KCNG2: variants seen among roughly 807,000 people sequenced by gnomAD.
KCNG2 encodes the protein voltage-gated potassium channel regulatory subunit KCNG2.
KCNG2 carries 7 observed loss-of-function variants against 12.3 expected under a neutral mutation model. The observed-to-expected ratio is 0.57, with a 90% CI of 0.32 to 1.07. The LOEUF is 1.07. Ranked by LOEUF, KCNG2 falls within the 50% of genes least tolerant of loss-of-function variation. The pLI, the probability that KCNG2 is intolerant of heterozygous loss-of-function variation, is 0.04. For missense variants in KCNG2, 703 were observed against 726.0 expected, an observed-to-expected ratio of 0.97 and a Z score of 0.36; for synonymous variants, 414 against 351.4, an observed-to-expected ratio of 1.18 and a Z score of -1.99.
intron 3 of KCNG2, 24 bp downstream of exon 3, chr18:79,864,315 G>A (rs1460073848): frequency 2.0e-6 from 3 of 1,484,084 alleles, no homozygotes; most frequent in Admixed American, 4.1e-5. Flanking sequence ...GGGGTGGCGG[G>A]GACCGGGCCG....
intron 1 of KCNG2, among the ~76,000 whole-genome samples, chr18:79,818,291 G>A (rs970809906): frequency 6.6e-6 from 1 of 152,212 alleles, no homozygotes; most frequent in Admixed American, 6.5e-5. Flanking sequence ...AGACCCCAGA[G>A]ACCAGGTCAC....
chr18:79,872,555 G>C lies in KCNG2; in HGVS notation c.624+8264G>C, dbSNP rs536125314. 9.2e-5 allele frequency among the ~76,000 whole-genome samples: 14 copies of C among 152,276 alleles called. No individual in the cohort carries two copies. The South Asian group carries it at 2.7e-3, about 29-fold the overall frequency. On this transcript the variant is annotated intron_variant, in intron 3 of 3. Coordinates refer to ENST00000316249, the MANE Select transcript of KCNG2 (RefSeq NM_012283.2). ...GCACCTTGGCCTCCCAAAGTGCTGG[G>C]ATTACAGGCGGAGGCACCGCGCCCG... is the stretch of plus-strand genomic sequence containing the variant.
chr18:79,856,276 T>C (rs1979005813), intron 1 of KCNG2, among the ~76,000 whole-genome samples, 103 bp from the exon 2 acceptor site: 1 of 152,166 alleles, frequency 6.6e-6, no homozygotes, highest in Admixed American at 6.5e-5. Context: ...GTGTGTGTGC[T>C]CGCGGGGACT....
chr18:79,894,275 G>T (rs1450261572), intron 3 of KCNG2, among the ~76,000 whole-genome samples: 2 of 151,506 alleles, frequency 1.3e-5, no homozygotes, highest in African/African-American at 4.9e-5. Context: ...CGTTCGATTA[G>T]GTTGTTCACT....
chr18:79,804,488 C>T (rs750451497), intron 1 of KCNG2, among the ~76,000 whole-genome samples: 3 of 152,220 alleles, frequency 2.0e-5, no homozygotes, highest in Non-Finnish European at 4.4e-5. Flanking sequence ...GTGGGGGGCC[C>T]TCCCATGGGT....
rs2087401647 is a variant in KCNG2, at chr18:79,800,625, A to G, written c.-115+2611A>G. 6.6e-6 allele frequency among the ~76,000 whole-genome samples: 1 copy of G among 152,158 alleles called. No homozygotes were observed. The highest frequency in any genetic ancestry group is 1.5e-5 in the Non-Finnish European group (1 of 68,016). ...CAGGGTCCTTGCTGGTGTCGGAGAA[A>G]CAGCACTGGCTCCTTCACAGCCGCG... On this transcript the variant is annotated intron_variant, in intron 1 of 3. Coordinates refer to ENST00000316249, the MANE Select transcript of KCNG2 (RefSeq NM_012283.2). The surrounding 1 kb of genome is among the most constrained non-coding windows in gnomAD (Gnocchi z 4.0).
At chr18:79,869,030 C>T (rs1021218781) in intron 3 of KCNG2, among the ~76,000 whole-genome samples, 2 of 152,200 alleles carry the variant, frequency 1.3e-5, no homozygotes, top group Admixed American at 6.5e-5. Flanking sequence ...CAGGGTTTCC[C>T]GCACGCACTG....
chr18:79,798,709 G>A (rs2087383691), intron 1 of KCNG2, among the ~76,000 whole-genome samples: 4 of 152,222 alleles, frequency 2.6e-5, no homozygotes, highest in Admixed American at 6.5e-5. Context: ...CCTCCGGCCC[G>A]GGGAGCTCCC....
chr18:79,829,113 G>A (rs1599376691), intron 1 of KCNG2, among the ~76,000 whole-genome samples: 1 of 122,780 alleles, frequency 8.1e-6, no homozygotes, highest in South Asian at 3.1e-4. Flanking sequence ...TGTGTAACAT[G>A]TCCATGATGT....
In KCNG2 at chr18:79,861,922, C is replaced by T. The variant is rs143130522; in HGVS notation, c.-40-1706C>T. On this transcript the variant is annotated intron_variant, in intron 2 of 3. Transcript: ENST00000316249. Reference sequence around the variant, plus strand: ...CGTGTTCATAGCTGCTGCTGAGACCCTCTAATGAGCTTTTCATTTCAGCTA... The same window carrying T: ...CGTGTTCATAGCTGCTGCTGAGACCTTCTAATGAGCTTTTCATTTCAGCTA... Among the ~76,000 whole-genome samples, 458 of 152,334 alleles carry T rather than the reference C, an allele frequency of 3.0e-3. 3 individuals are homozygous for T. Among genetic ancestry groups the T allele is most frequent in the African/African-American group, 0.011 (444 of 41,580 alleles).
At chr18:79,873,426 T>TCCCCCCCCCC (rs138533244) in intron 3 of KCNG2, among the ~76,000 whole-genome samples, 1 of 86,664 alleles carries the variant, frequency 1.2e-5, no homozygotes, top group Non-Finnish European at 2.4e-5. Flanking sequence ...CCGGCCCCCC[T>TCCCCCCCCCC]CCCCCCCCCC....
intron 2 of KCNG2, among the ~76,000 whole-genome samples, chr18:79,861,234 T>C (rs1369271757): frequency 6.6e-6 from 1 of 151,980 alleles, no homozygotes; most frequent in Non-Finnish European, 1.5e-5. Flanking sequence ...TGCTCATGTC[T>C]TGTGGAGGAT....
intron 1 of KCNG2, among the ~76,000 whole-genome samples, chr18:79,801,534 C>T (rs1399026528): frequency 6.6e-6 from 1 of 152,250 alleles, no homozygotes; most frequent in Non-Finnish European, 1.5e-5. Context: ...CGAGGCAGTT[C>T]CCAGAGTTTA....
intron 1 of KCNG2, among the ~76,000 whole-genome samples, chr18:79,847,781 G>A (rs1978673740): frequency 6.6e-6 from 1 of 152,198 alleles, no homozygotes; most frequent in African/African-American, 2.4e-5. Flanking sequence ...CTGGAGGCTG[G>A]CACCTGGCTT....
intron 1 of KCNG2, among the ~76,000 whole-genome samples, chr18:79,851,006 G>A (rs1198063903): frequency 1.3e-5 from 2 of 152,150 alleles, no homozygotes; most frequent in African/African-American, 4.8e-5. Flanking sequence ...CCCCAGAGAG[G>A]GTTCTTGGAC....
At chr18:79,888,437 G>A (rs1170544025) in intron 3 of KCNG2, among the ~76,000 whole-genome samples, 1 of 134,198 alleles carries the variant, frequency 7.5e-6, no homozygotes, top group Non-Finnish European at 1.7e-5. Context: ...CGGTGGGGCC[G>A]GGACGGCGGC....
intron 3 of KCNG2, among the ~76,000 whole-genome samples, chr18:79,883,983 G>T (rs1290760886): frequency 6.6e-6 from 1 of 152,068 alleles, no homozygotes; most frequent in African/African-American, 2.4e-5. Flanking sequence ...TGCCTGGGTG[G>T]GGACCGTCCC....
intron 3 of KCNG2, among the ~76,000 whole-genome samples, chr18:79,873,196 T>G (rs369846145): frequency 3.3e-5 from 5 of 152,202 alleles, no homozygotes; most frequent in South Asian, 2.1e-4. Context: ...TGAGGCCCTC[T>G]CGGGGGACCA....
In KCNG2 at chr18:79,899,986, C is replaced by A; in HGVS notation, c.*170C>A. 5 of 498,264 alleles carry A rather than the reference C, an allele frequency of 1.0e-5. No homozygotes were observed. The highest frequency in any genetic ancestry group is 1.6e-5 in the Non-Finnish European group (5 of 322,282). 30.9% of individuals were successfully genotyped at this position (498,264 alleles called of 1,614,324 possible). A position where few individuals can be genotyped will look rare whatever the true frequency, so the allele number is the denominator to read the frequency against. ...CAGAACTTGGCGGGGCCCTGCCTGACTCCCCGTGGCAGCGCTGGGCAAAGT... is the reference window on the plus strand; with the variant it reads ...CAGAACTTGGCGGGGCCCTGCCTGAATCCCCGTGGCAGCGCTGGGCAAAGT... On this transcript the variant is annotated 3_prime_UTR_variant, in exon 4 of 4. Transcript: ENST00000316249.
Sources: allele counts gnomAD v4.1 joint callset (sites outside exome capture counted in the v4.1 genomes callset), GRCh38; gene constraint gnomAD v4.1.1; non-coding constraint Gnocchi (gnomAD v3.1); transcripts MANE v1.5; gene names NCBI Gene and HGNC (gene_info 2026-07-23, HGNC 2026-07-21).